The following GSK3B variants were observed in gnomAD, a reference collection of about 807,000 sequenced individuals.
GSK3B encodes glycogen synthase kinase 3 beta.
In GSK3B, 15 loss-of-function variants were observed where a neutral mutation model predicts 56.4. That is an observed-to-expected ratio of 0.27 (90% CI 0.18 to 0.41). The LOEUF is 0.41. GSK3B is among the 10% of genes least tolerant of loss of function. The pLI is 1.00. For missense variants in GSK3B, 300 were observed against 513.4 expected, an observed-to-expected ratio of 0.58 and a Z score of 4.02; for synonymous variants, 181 against 188.9, an observed-to-expected ratio of 0.96 and a Z score of 0.34.
intron 1 of GSK3B, among the ~76,000 whole-genome samples, chr3:120,046,893 G>C (rs967409527): frequency 6.6e-6 from 1 of 152,144 alleles, no homozygotes; most frequent in Non-Finnish European, 1.5e-5. Flanking sequence ...TTATGGGTGT[G>C]AGCCACCGCT....
intron 1 of GSK3B, among the ~76,000 whole-genome samples, chr3:120,037,667 A>G (rs1394944943): frequency 6.6e-6 from 1 of 151,716 alleles, no homozygotes; most frequent in African/African-American, 2.4e-5. Flanking sequence ...TTTTTTTACC[A>G]TCTTACACAT....
intron 1 of GSK3B, among the ~76,000 whole-genome samples, chr3:120,026,322 T>C (rs1161127493): frequency 6.6e-6 from 1 of 152,146 alleles, no homozygotes; most frequent in East Asian, 1.9e-4. Context: ...AGAAGGTATC[T>C]GCTGGAGCAA....
intron 1 of GSK3B, among the ~76,000 whole-genome samples, chr3:120,025,149 AGTAGTTT>A (rs1472183034): frequency 6.6e-6 from 1 of 152,106 alleles, no homozygotes; most frequent in Non-Finnish European, 1.5e-5. Flanking sequence ...ACTTGACACC[AGTAGTTT>A]GAGACCAGCC....
chr3:119,953,003 T>C (rs1465831750), intron 2 of GSK3B, among the ~76,000 whole-genome samples: 1 of 152,056 alleles, frequency 6.6e-6, no homozygotes, highest in Non-Finnish European at 1.5e-5. Context: ...AGACAGAATA[T>C]GATAACAGTT....
intron 1 of GSK3B, among the ~76,000 whole-genome samples, chr3:120,058,683 T>C (rs1354046033): frequency 6.6e-6 from 1 of 152,138 alleles, no homozygotes; most frequent in Non-Finnish European, 1.5e-5. Context: ...GTAATAATGC[T>C]TCTCCCTCAG....
chr3:119,892,052 A>G (rs1354842198), intron 7 of GSK3B, among the ~76,000 whole-genome samples: 1 of 152,156 alleles, frequency 6.6e-6, no homozygotes, highest in Non-Finnish European at 1.5e-5. Context: ...GAAGCACCTC[A>G]CAAAAAGCAA....
chr3:120,035,256 G>A (rs1576286757), intron 1 of GSK3B, among the ~76,000 whole-genome samples: 1 of 152,170 alleles, frequency 6.6e-6, no homozygotes, highest in East Asian at 1.9e-4. Context: ...TGATCTACAA[G>A]CCAAGAAATG....
At chr3:119,930,079 CTACACACA>C (rs2056930007) in intron 3 of GSK3B, among the ~76,000 whole-genome samples, 1 of 57,596 alleles carries the variant, frequency 1.7e-5, no homozygotes, top group Admixed American at 2.0e-4. Flanking sequence ...ATTCTGTCTC[CTACACACA>C]CACACACACA....
intron 10 of GSK3B, among the ~76,000 whole-genome samples, chr3:119,830,903 C>G (rs76079174): frequency 0.026 from 3,981 of 152,072 alleles, 179 homozygotes; most frequent in African/African-American, 0.09. Flanking sequence ...AGCAATTGTT[C>G]AATAGATGGG....
intron 2 of GSK3B, among the ~76,000 whole-genome samples, chr3:119,978,541 C>G (rs558773396): frequency 2.2e-4 from 33 of 152,284 alleles, no homozygotes; most frequent in African/African-American, 7.7e-4. Context: ...GTGCTGGGGG[C>G]AGAGGCTCTC....
At chr3:119,902,591 T>C (rs2056635530) in intron 7 of GSK3B, among the ~76,000 whole-genome samples, 1 of 152,146 alleles carries the variant, frequency 6.6e-6, no homozygotes, top group Admixed American at 6.6e-5. Context: ...GAGACAGGGT[T>C]TCACCATGTT....
At chr3:119,941,118 C>T (rs544794001) in intron 3 of GSK3B, among the ~76,000 whole-genome samples, 2 of 151,216 alleles carry the variant, frequency 1.3e-5, no homozygotes, top group East Asian at 3.9e-4. Context: ...TGGGTTCAAG[C>T]GATTCTCCTG....
intron 3 of GSK3B, among the ~76,000 whole-genome samples, chr3:119,940,444 G>T (rs1248691644): frequency 6.6e-6 from 1 of 151,760 alleles, no homozygotes; most frequent in African/African-American, 2.4e-5. Context: ...AGTTAAAACT[G>T]AATTAGAAAT....
chr3:120,037,383 G>A lies in GSK3B; in HGVS notation c.89-35144C>T, dbSNP rs536073024. 2.0e-5 allele frequency among the ~76,000 whole-genome samples: 3 copies of A among 152,240 alleles called. No homozygotes were observed. In the East Asian group the frequency reaches 5.8e-4, roughly 29 times the overall value. On this transcript the variant is annotated intron_variant, in intron 1 of 10. Coordinates refer to ENST00000264235, the MANE Select transcript of GSK3B (RefSeq NM_001146156.2). Reference sequence around the variant, plus strand: ...ATTGCTTAACTTCTTAAGCAATTAAGAAACATGAGCTTCTCCATCCAGAAA... The same window carrying A: ...ATTGCTTAACTTCTTAAGCAATTAAAAAACATGAGCTTCTCCATCCAGAAA...
At position 119,984,092 on chromosome 3, in the gene GSK3B, G is replaced by A. The variant is rs918234953; in HGVS notation, c.282+17954C>T. Among the ~76,000 whole-genome samples the A allele has an allele frequency of 1.1e-4, 16 of 152,282 alleles. No individual in the cohort carries two copies. In the East Asian group the frequency reaches 3.1e-3, roughly 29 times the overall value. ...CAACTGCATGGAAACTGAACAACTT[G>A]CTCCTGAATGACTACTGGGTACATA... is the stretch of plus-strand genomic sequence containing the variant. On this transcript the variant is annotated intron_variant, in intron 2 of 10. Coordinates refer to ENST00000264235, the MANE Select transcript of GSK3B (RefSeq NM_001146156.2).
intron 2 of GSK3B, among the ~76,000 whole-genome samples, chr3:119,960,242 T>C (rs2057258635): frequency 6.6e-6 from 1 of 151,352 alleles, no homozygotes. Flanking sequence ...AAAAAAAGTT[T>C]GGAAATGGTA....
chr3:119,850,584 T>C (rs901882481), intron 9 of GSK3B, among the ~76,000 whole-genome samples: 3 of 152,182 alleles, frequency 2.0e-5, no homozygotes, highest in African/African-American at 7.2e-5. Context: ...AAAATGTTTT[T>C]TTTTAATCCC....
intron 1 of GSK3B, among the ~76,000 whole-genome samples, chr3:120,076,802 A>C (rs1350541849): frequency 2.3e-5 from 3 of 128,052 alleles, no homozygotes; most frequent in Non-Finnish European, 4.8e-5. Context: ...CGACAGAGCG[A>C]AACTCCGTCT....
intron 2 of GSK3B, 85 bp downstream of exon 2, chr3:120,001,961 G>T: frequency 2.3e-6 from 2 of 866,704 alleles, no homozygotes; most frequent in Non-Finnish European, 3.4e-6. Context: ...GAAATTTGAA[G>T]CAAAAAGAAG....
Sources: allele counts gnomAD v4.1 joint callset (sites outside exome capture counted in the v4.1 genomes callset), GRCh38; gene constraint gnomAD v4.1.1; transcripts MANE v1.5; gene names NCBI Gene and HGNC (gene_info 2026-07-23, HGNC 2026-07-21).